Variants in FOXN3 observed in about 807,000 individuals in gnomAD.
The protein encoded by FOXN3 is forkhead box protein N3.
A neutral mutation model predicts 38.4 loss-of-function variants in FOXN3; 7 were observed. The ratio of observed to expected loss-of-function variants is 0.18; its 90% CI spans 0.10 to 0.34. FOXN3 has a LOEUF of 0.34. Ranked by LOEUF, FOXN3 falls within the 10% of genes least tolerant of loss-of-function variation. The probability of loss-of-function intolerance (pLI) is 1.00; values close to 1 mark genes in which losing one functional copy is unlikely to be tolerated. For synonymous variants in FOXN3, 230 were observed against 242.2 expected (o/e 0.95, Z 0.47); for missense variants, 456 against 613.4 (o/e 0.74, Z 2.71).
At chr14:89,587,518 GA>G (rs1230130639) in intron 1 of FOXN3, among the ~76,000 whole-genome samples, 2 of 151,696 alleles carry the variant, frequency 1.3e-5, no homozygotes, top group Non-Finnish European at 2.9e-5. Context: ...CAACGAAATT[GA>G]AAAAAAATTT....
intron 2 of FOXN3, among the ~76,000 whole-genome samples, chr14:89,351,594 G>A (rs972990755): frequency 3.9e-5 from 6 of 152,218 alleles, no homozygotes; most frequent in Admixed American, 3.9e-4. Flanking sequence ...TTTTAAAAAT[G>A]TAAGTCCTTC....
intron 3 of FOXN3, among the ~76,000 whole-genome samples, chr14:89,300,829 C>T (rs577708642): frequency 6.6e-6 from 1 of 152,324 alleles, no homozygotes; most frequent in South Asian, 2.1e-4. Flanking sequence ...TGGAGTCTCG[C>T]TCTGTTGCTC....
At chr14:89,469,038 T>C (rs1047981257) in intron 1 of FOXN3, among the ~76,000 whole-genome samples, 1 of 152,188 alleles carries the variant, frequency 6.6e-6, no homozygotes, top group African/African-American at 2.4e-5. Flanking sequence ...TCATATCTGC[T>C]CTCTAATAAG....
chr14:89,340,379 A>G (rs1566960983), intron 3 of FOXN3, among the ~76,000 whole-genome samples: 1 of 152,192 alleles, frequency 6.6e-6, no homozygotes, highest in Admixed American at 6.5e-5. Context: ...TGAGAAGATA[A>G]GGATTTTTTT....
intron 4 of FOXN3, among the ~76,000 whole-genome samples, chr14:89,278,095 T>C (rs2139913414): frequency 6.6e-6 from 1 of 152,260 alleles, no homozygotes. Context: ...TTCACGCTGC[T>C]GATAAAGACA....
intron 1 of FOXN3, among the ~76,000 whole-genome samples, chr14:89,493,133 C>T (rs1248178851): frequency 6.6e-6 from 1 of 152,218 alleles, no homozygotes; most frequent in Non-Finnish European, 1.5e-5. Context: ...AACTAACCTT[C>T]TTCAAATGAA....
At chr14:89,516,095 G>A (rs554209361) in intron 1 of FOXN3, among the ~76,000 whole-genome samples, 5 of 152,178 alleles carry the variant, frequency 3.3e-5, no homozygotes, top group South Asian at 4.2e-4. Context: ...TGTTTCATCC[G>A]CAAGTTGTGC....
At chr14:89,388,062 T>C (rs537354854) in intron 2 of FOXN3, among the ~76,000 whole-genome samples, 2 of 152,302 alleles carry the variant, frequency 1.3e-5, no homozygotes, top group East Asian at 1.9e-4. Context: ...CGTGCACCTG[T>C]AGTCCCAGCT....
chr14:89,196,604 G>T (rs1049344888), intron 4 of FOXN3, among the ~76,000 whole-genome samples: 3 of 152,142 alleles, frequency 2.0e-5, no homozygotes, highest in Non-Finnish European at 4.4e-5. Context: ...CCTACCAAAT[G>T]GGGCATCTAC....
Position 89,411,985 on chromosome 14 carries a change from G to A in FOXN3, c.492C>T (p.His164=). ...TAAAACACTTATTCAATGATAAATTGTGTCTCACTGAGTTTTTCCACCCAG... is the reference window on the plus strand; with the variant it reads ...TAAAACACTTATTCAATGATAAATTATGTCTCACTGAGTTTTTCCACCCAG... ...APTGWKNSVR[H]NLSLNKCFKK... Residue 164 remains histidine, a synonymous_variant, in exon 2 of 6, where the codon CAC becomes CAT. Coordinates refer to ENST00000557258, the MANE Select transcript of FOXN3 (RefSeq NM_005197.4). The A allele has an allele frequency of 1.9e-6, 3 of 1,591,414 alleles. No individual in the cohort carries two copies. The highest frequency in any genetic ancestry group is 1.7e-5 in the Admixed American group (1 of 57,590).
intron 3 of FOXN3, among the ~76,000 whole-genome samples, chr14:89,301,163 G>C (rs1396987355): frequency 2.6e-5 from 4 of 152,016 alleles, no homozygotes; most frequent in Non-Finnish European, 5.9e-5. Flanking sequence ...TTTATGGTTG[G>C]CTTCAAAGTG....
chr14:89,311,558 G>A (rs1185189443), intron 3 of FOXN3, among the ~76,000 whole-genome samples: 2 of 151,806 alleles, frequency 1.3e-5, no homozygotes, highest in Non-Finnish European at 2.9e-5. Context: ...CGGGTGCAGT[G>A]GCTCATGCCT....
intron 2 of FOXN3, among the ~76,000 whole-genome samples, chr14:89,376,400 G>A (rs61984668): frequency 0.07 from 10,617 of 152,186 alleles, 748 homozygotes; most frequent in African/African-American, 0.19. Flanking sequence ...CATTAGAGGC[G>A]ATTATTACAC....
chr14:89,211,615 A>G (rs1884095739), intron 4 of FOXN3, among the ~76,000 whole-genome samples: 1 of 152,226 alleles, frequency 6.6e-6, no homozygotes, highest in Non-Finnish European at 1.5e-5. Context: ...GAATTTGTGC[A>G]TGTTTCTGGA....
chr14:89,438,731 C>G (rs1275035514), intron 1 of FOXN3, among the ~76,000 whole-genome samples: 1 of 151,842 alleles, frequency 6.6e-6, no homozygotes, highest in Non-Finnish European at 1.5e-5. Flanking sequence ...GAAATCTATA[C>G]TCACTCTTAT....
Position 89,171,194 on chromosome 14 carries a change from A to G in FOXN3, c.852-8225T>C, listed in dbSNP as rs371025598. 8.5e-5 allele frequency among the ~76,000 whole-genome samples: 13 copies of G among 152,296 alleles called. 1 individual carries two copies. Among genetic ancestry groups the G allele is most frequent in the Admixed American group, 3.3e-4 (5 of 15,300 alleles). ...ATTATGAATAACTCTTTGCCAATAT[A>G]TTTGAAAAGAAAAACCCCTAGAGTT... On this transcript the variant is annotated intron_variant, in intron 5 of 5. Coordinates refer to ENST00000557258, the MANE Select transcript of FOXN3 (RefSeq NM_005197.4).
At chr14:89,449,117 T>A (rs1892566568) in intron 1 of FOXN3, among the ~76,000 whole-genome samples, 1 of 152,212 alleles carries the variant, frequency 6.6e-6, no homozygotes, top group South Asian at 2.1e-4. Context: ...CACAAAAATC[T>A]TTCATGTGTT....
At chr14:89,222,307 C>T (rs912919022) in intron 4 of FOXN3, among the ~76,000 whole-genome samples, 1 of 152,068 alleles carries the variant, frequency 6.6e-6, no homozygotes, top group Non-Finnish European at 1.5e-5. Flanking sequence ...CATCTGTCAG[C>T]GTTGCCTGGT....
intron 4 of FOXN3, chr14:89,184,149 C>G (rs1887743810): frequency 6.6e-6 from 1 of 152,190 alleles, no homozygotes; most frequent in South Asian, 2.1e-4. Flanking sequence ...AAGAATGTAG[C>G]CATCTTCCTG....
Sources: allele counts gnomAD v4.1 joint callset (sites outside exome capture counted in the v4.1 genomes callset), GRCh38; gene constraint gnomAD v4.1.1; transcripts MANE v1.5; gene names NCBI Gene and HGNC (gene_info 2026-07-23, HGNC 2026-07-21).